The following HTR2C variants were observed in gnomAD, a reference collection of about 807,000 sequenced individuals.
HTR2C encodes 5-hydroxytryptamine (serotonin) receptor 2C, G protein-coupled.
A neutral mutation model predicts 21.0 loss-of-function variants in HTR2C; 5 were observed. The ratio of observed to expected loss-of-function variants is 0.24; its 90% CI spans 0.12 to 0.50. HTR2C has a LOEUF of 0.50. HTR2C is among the 20% of genes least tolerant of loss of function. HTR2C has a pLI of 0.98. For missense variants in HTR2C, 271 were observed against 371.2 expected (o/e 0.73, Z 2.22); for synonymous variants, 150 against 145.3 (o/e 1.03, Z -0.23).
At chrX:114,712,357 G>A (rs1024970614) in intron 2 of HTR2C, among the ~76,000 whole-genome samples, 2 of 111,834 alleles carry the variant, frequency 1.8e-5, no homozygotes, top group Non-Finnish European at 1.9e-5. Context: ...AATTTCCTGA[G>A]CAAACAGAGA....
chrX:114,851,063 G>T (rs1463329538), intron 5 of HTR2C, among the ~76,000 whole-genome samples: 1 of 111,512 alleles, frequency 9.0e-6, no homozygotes, highest in African/African-American at 3.3e-5. Context: ...AAATTTGTAT[G>T]TACATAATTA....
intron 4 of HTR2C, among the ~76,000 whole-genome samples, chrX:114,766,397 T>G (rs2069948309): frequency 9.0e-6 from 1 of 111,620 alleles, no homozygotes; most frequent in African/African-American, 3.2e-5. Flanking sequence ...ATGAAAAACC[T>G]AGTCATTAAT....
intron 4 of HTR2C, among the ~76,000 whole-genome samples, chrX:114,758,299 T>C (rs1489677681): frequency 1.8e-5 from 2 of 111,442 alleles, no homozygotes; most frequent in Non-Finnish European, 3.8e-5. Context: ...TGGTGGCTCA[T>C]GCCTGCAATC....
intron 2 of HTR2C, among the ~76,000 whole-genome samples, chrX:114,688,059 G>A (rs1477333266): frequency 9.0e-6 from 1 of 111,078 alleles, no homozygotes; most frequent in African/African-American, 3.3e-5. Context: ...GGTGGCTCAT[G>A]CCTATAATCC....
Position 114,607,117 on chromosome X carries a change from A to G in HTR2C, c.-146-6698A>G, listed in dbSNP as rs188479929. ...TACACTTCTTTTGTGGTGGAATGTC[A>G]TCAGTTAAGGTGGGGCAGGGCATAT... On this transcript the variant is annotated intron_variant, in intron 1 of 5. Coordinates refer to ENST00000276198, the MANE Select transcript of HTR2C (RefSeq NM_000868.4). 8.2e-5 allele frequency among the ~76,000 whole-genome samples: 9 copies of G among 110,377 alleles called. No homozygotes were observed. In the East Asian group the frequency reaches 2.6e-3, roughly 31 times the overall value.
At position 114,724,708 on chromosome X, in the gene HTR2C, C is replaced by G. The variant is rs189618737; in HGVS notation, c.-79-2150C>G. Among the ~76,000 whole-genome samples the G allele has an allele frequency of 3.1e-3, 331 of 108,140 alleles. 1 individual carries two copies. Among genetic ancestry groups the G allele is most frequent in the Non-Finnish European group, 4.8e-3 (250 of 52,295 alleles). 93.9% of individuals were successfully genotyped at this position (108,140 alleles called of 115,157 possible). A position where few individuals can be genotyped will look rare whatever the true frequency, so the allele number is the denominator to read the frequency against. ...CTTCAGGAGCTCTTTTAGGGCAGGC[C>G]TGATGGTGACAAAGTCTCTCAGCAT... On this transcript the variant is annotated intron_variant, in intron 2 of 5. Coordinates refer to ENST00000276198, the MANE Select transcript of HTR2C (RefSeq NM_000868.4).
chrX:114,779,579 G>C (rs1464444690), intron 4 of HTR2C, among the ~76,000 whole-genome samples: 2 of 111,173 alleles, frequency 1.8e-5, no homozygotes, highest in Non-Finnish European at 3.8e-5. Context: ...ACTCAAGCAG[G>C]GTAACTCTTT....
chrX:114,657,237 G>C (rs1930814834), intron 2 of HTR2C, among the ~76,000 whole-genome samples: 1 of 110,457 alleles, frequency 9.1e-6, no homozygotes, highest in Non-Finnish European at 1.9e-5. Flanking sequence ...CCAAAATAAT[G>C]ATGAAATGGA....
At chrX:114,860,544 AGT>A (rs1409484989) in intron 5 of HTR2C, among the ~76,000 whole-genome samples, 2 of 111,241 alleles carry the variant, frequency 1.8e-5, no homozygotes, top group Non-Finnish European at 3.8e-5. Flanking sequence ...ATAATCTGAA[AGT>A]ATTTCATTTT....
intron 2 of HTR2C, among the ~76,000 whole-genome samples, chrX:114,645,464 G>A (rs1446106461): frequency 9.5e-6 from 1 of 105,310 alleles, no homozygotes; most frequent in Non-Finnish European, 2.0e-5. Flanking sequence ...GAAGGAGAGA[G>A]AGGGAGAACG....
chrX:114,753,095 C>A (rs958573530), intron 4 of HTR2C, among the ~76,000 whole-genome samples: 1 of 69,381 alleles, frequency 1.4e-5, no homozygotes, highest in East Asian at 6.4e-4. Flanking sequence ...GAATGACACT[C>A]TAGTGACTTC....
chrX:114,895,856 C>T (rs371853598), intron 5 of HTR2C, among the ~76,000 whole-genome samples: 30 of 109,688 alleles, frequency 2.7e-4, no homozygotes, highest in African/African-American at 9.6e-4. Context: ...GGAGTGGTGG[C>T]GGGTGCCTCT....
At chrX:114,820,870 A>G (rs1408789380) in intron 4 of HTR2C, among the ~76,000 whole-genome samples, 1 of 110,954 alleles carries the variant, frequency 9.0e-6, no homozygotes, top group Admixed American at 9.7e-5. Flanking sequence ...ACAGCTGTGA[A>G]GTTGTATATC....
intron 2 of HTR2C, among the ~76,000 whole-genome samples, chrX:114,675,503 G>A (rs782142249): frequency 8.9e-6 from 1 of 112,342 alleles, no homozygotes; most frequent in Non-Finnish European, 1.9e-5. Flanking sequence ...AGGGTAGAAA[G>A]GGACTTTGGA....
intron 1 of HTR2C, among the ~76,000 whole-genome samples, chrX:114,598,970 A>T (rs1434399062): frequency 9.0e-6 from 1 of 110,963 alleles, no homozygotes; most frequent in Admixed American, 9.6e-5. Context: ...AGAGAACTTA[A>T]ATTTCCTAAC....
chrX:114,866,862 C>T (rs1379812681), intron 5 of HTR2C, among the ~76,000 whole-genome samples: 1 of 111,846 alleles, frequency 8.9e-6, no homozygotes. Flanking sequence ...GAATAATACT[C>T]CATTATGTAT....
At chrX:114,624,630 A>C (rs782085312) in intron 2 of HTR2C, among the ~76,000 whole-genome samples, 5 of 111,863 alleles carry the variant, frequency 4.5e-5, no homozygotes, top group Non-Finnish European at 9.4e-5. Context: ...TTCAGTTTAC[A>C]ACCTGATCTT....
chrX:114,723,278 T>G (rs1180563433), intron 2 of HTR2C, among the ~76,000 whole-genome samples: 3 of 111,704 alleles, frequency 2.7e-5, no homozygotes, highest in Admixed American at 9.5e-5. Context: ...ATCCATTTCT[T>G]CTAGATTTTC....
chrX:114,742,729 T>C (rs1229800496), intron 4 of HTR2C, among the ~76,000 whole-genome samples: 15 of 85,284 alleles, frequency 1.8e-4, no homozygotes, highest in African/African-American at 6.6e-4. Flanking sequence ...TTTTTTTAAT[T>C]TTTTTTTTTT....
Sources: gnomAD v4.1 joint callset for allele counts (sites outside exome capture counted in the v4.1 genomes callset) on GRCh38, gnomAD v4.1.1 for gene constraint, MANE v1.5 for transcripts, NCBI Gene and HGNC (gene_info 2026-07-23, HGNC 2026-07-21) for gene names.